Variants in PCF11 observed in about 807,000 individuals in gnomAD.
PCF11 encodes PCF11 cleavage and polyadenylation factor subunit.
A neutral mutation model predicts 166.1 loss-of-function variants in PCF11; 19 were observed. That is an observed-to-expected ratio of 0.11 (90% CI 0.08 to 0.17). The LOEUF is 0.17. PCF11 is among the 10% of genes least tolerant of loss of function. The pLI is 1.00. For missense variants in PCF11, 1,565 were observed against 1,855.5 expected (o/e 0.84, Z 2.88); for synonymous variants, 663 against 644.1 (o/e 1.03, Z -0.44).
rs185338286 is a variant in PCF11 at position 83,173,456 on chromosome 11, A to G, written c.3757+1542A>G. On this transcript the variant is annotated intron_variant, in intron 9 of 15. Coordinates refer to ENST00000298281, the Ensembl canonical transcript of PCF11. ...GTGACAGAGTGAGACTCCGTCTCAGAAAAAAAACCAAAAACCAAAAAAAAA... is the reference window on the plus strand; with the variant it reads ...GTGACAGAGTGAGACTCCGTCTCAGGAAAAAAACCAAAAACCAAAAAAAAA... 5.0e-3 allele frequency among the ~76,000 whole-genome samples: 763 copies of G among 151,552 alleles called. 3 individuals are homozygous for G. The highest frequency in any genetic ancestry group is 7.8e-3 in the Non-Finnish European group (532 of 67,872).
In PCF11 at chr11:83,167,910, T is replaced by TA; in HGVS notation, c.2092+408dup. On this transcript the variant is annotated intron_variant, in intron 7 of 15. Coordinates refer to ENST00000298281, the Ensembl canonical transcript of PCF11. This position sits in a 1 kb window ranked among gnomAD's most constrained non-coding sequence, Gnocchi z 4.2. ...AGTCTCTGCTAAAGGTAGAAAAAGT[T>TA]AAATCAGATTATGCCTATTGAATCA... The TA allele has an allele frequency of 7.7e-7, 1 of 1,291,636 alleles. No homozygotes were observed. The allele number at this position is 1,291,636 out of a possible 1,614,324, so 80.0% of individuals were successfully genotyped here.
intron 10 of PCF11, among the ~76,000 whole-genome samples, 185 bp downstream of exon 10, chr11:83,177,389 T>C (rs1182655579): frequency 1.3e-5 from 2 of 152,210 alleles, no homozygotes. Flanking sequence ...TGAACTACCT[T>C]ATAGTGGACA....
At chr11:83,165,089 C>T (rs960400993) in intron 4 of PCF11, among the ~76,000 whole-genome samples, 3 of 152,082 alleles carry the variant, frequency 2.0e-5, no homozygotes, top group African/African-American at 4.8e-5. Context: ...TTAAGGAGGC[C>T]AGGAAGATTA....
chr11:83,157,707 C>T, intron 1 of PCF11, 76 bp downstream of exon 1: 1 of 1,335,644 alleles, frequency 7.5e-7, no homozygotes, highest in African/African-American at 1.4e-5. Context: ...CCAGGTCTCG[C>T]TTCCATCCCA....
Position 83,181,518 on chromosome 11 carries a change from A to AT in PCF11, c.4168-323dup, listed in dbSNP as rs57414935. 8.3e-3 allele frequency among the ~76,000 whole-genome samples: 1,193 copies of AT among 143,822 alleles called. 12 individuals carry two copies. The highest frequency in any genetic ancestry group is 0.023 in the African/African-American group (890 of 39,530). The allele number at this position is 143,822 out of a possible 152,430, so 94.4% of individuals were successfully genotyped here. The stretch of plus-strand genomic sequence containing the variant: ...TTTTAAAAAATGAATTTTGAAGGGA[A>AT]TTTTTTTTTTTTTAATTAAGATTAG... On this transcript the variant is annotated intron_variant, in intron 12 of 15. Transcript: ENST00000298281.
chr11:83,182,157 C>A (rs867390721), intron 13 of PCF11, 148 bp downstream of exon 13: 5 of 751,990 alleles, frequency 6.6e-6, no homozygotes, highest in Middle Eastern at 3.8e-4. Flanking sequence ...TTTACTCTTA[C>A]AATCTAGCTT....
At chr11:83,169,272 C>T (rs1279318818) in exon 8 of PCF11, 1 of 1,611,456 alleles carries the variant, frequency 6.2e-7, no homozygotes, top group South Asian at 1.1e-5. Flanking sequence ...TTGGTGGGAA[C>T]CTTAGGTTTG....
intron 8 of PCF11, chr11:83,171,399 T>C: frequency 2.5e-6 from 1 of 405,970 alleles, no homozygotes; most frequent in Non-Finnish European, 4.8e-6. Flanking sequence ...GCCCTTGTGA[T>C]TGTGTATAGA....
chr11:83,166,053 A>C, exon 5 of PCF11: 1 of 1,602,274 alleles, frequency 6.2e-7, no homozygotes, highest in East Asian at 2.2e-5. Flanking sequence ...AGACTTGAAA[A>C]ATCAAGAATC....
In PCF11 at chr11:83,177,847, A is replaced by G. The variant is rs1195818780; in HGVS notation, c.3983+28A>G. 5.3e-6 allele frequency: 6 copies of G among 1,130,058 alleles called. No individual in the cohort carries two copies. The Admixed American group carries it at 1.0e-4, about 20-fold the overall frequency. 70.0% of individuals were successfully genotyped at this position (1,130,058 alleles called of 1,614,324 possible). On this transcript the variant is annotated intron_variant, in intron 11 of 15. Coordinates refer to ENST00000298281, the Ensembl canonical transcript of PCF11. ...ATGTAATCTAATTTTCTTTAAGATA[A>G]AGAGGCAGTGACTTTAATAACACTG...
chr11:83,157,434 G>A (rs1482040938), exon 1 of PCF11: 2 of 1,606,042 alleles, frequency 1.2e-6, no homozygotes, highest in African/African-American at 1.3e-5. Context: ...GGGGGGCCGC[G>A]GCGCAATGTC....
intron 13 of PCF11, 124 bp downstream of exon 13, chr11:83,182,133 C>A: frequency 1.2e-6 from 1 of 837,294 alleles, no homozygotes; most frequent in Non-Finnish European, 1.8e-6. Flanking sequence ...TTCTTGAAAG[C>A]TCTACTCTTC....
chr11:83,164,575 A>T (rs1860379518), intron 4 of PCF11, among the ~76,000 whole-genome samples, 174 bp downstream of exon 4: 2 of 152,070 alleles, frequency 1.3e-5, no homozygotes, highest in Non-Finnish European at 2.9e-5. Context: ...CTTTATTGTA[A>T]AATTCACTTG....
chr11:83,165,795 A>C (rs769913695), exon 5 of PCF11: 1 of 1,612,450 alleles, frequency 6.2e-7, no homozygotes. Context: ...TCCTCGTCTG[A>C]ACAGGATAAG....
exon 16 of PCF11, chr11:83,184,849 A>G (rs1392466520): frequency 6.3e-7 from 1 of 1,578,000 alleles, no homozygotes; most frequent in Non-Finnish European, 8.6e-7. Flanking sequence ...GCATAGCAAC[A>G]CCCTCTGAAA....
chr11:83,162,747 G>A, intron 2 of PCF11, among the ~76,000 whole-genome samples: 1 of 152,088 alleles, frequency 6.6e-6, no homozygotes. Context: ...CCAAGTCCTA[G>A]GTTTCTTGAT....
Position 83,169,932 on chromosome 11 carries a change from A to G in PCF11, c.3597A>G (p.Gln1199=), listed in dbSNP as rs574095656. The G allele has an allele frequency of 4.4e-5, 71 of 1,608,910 alleles. No individual in the cohort carries two copies. The East Asian group carries it at 1.2e-3, about 28-fold the overall frequency. ...ATGAAAAAAATCTTCAGAGTTCTCAATTTGGAAACTTTGGCAATATACCTG... is the reference window on the plus strand; with the variant it reads ...ATGAAAAAAATCTTCAGAGTTCTCAGTTTGGAAACTTTGGCAATATACCTG... Residue 1199 remains glutamine, a synonymous_variant, in exon 8 of 16, where the codon CAA becomes CAG. Coordinates refer to ENST00000298281, the Ensembl canonical transcript of PCF11.
chr11:83,176,696 G>T (rs1401590866), intron 9 of PCF11, among the ~76,000 whole-genome samples: 1 of 151,816 alleles, frequency 6.6e-6, no homozygotes, highest in Non-Finnish European at 1.5e-5. Flanking sequence ...GGGGGTGGGG[G>T]GTCTGGGGGA....
intron 2 of PCF11, 27 bp downstream of exon 2, chr11:83,161,479 G>GT (rs759260353): frequency 8.0e-4 from 1,174 of 1,469,620 alleles, no homozygotes; most frequent in Admixed American, 1.3e-3. Context: ...AAACATTTGC[G>GT]TTTTTTTTTA....
Sources: gnomAD v4.1 joint callset for allele counts (sites outside exome capture counted in the v4.1 genomes callset) on GRCh38, gnomAD v4.1.1 for gene constraint, Gnocchi (gnomAD v3.1) non-coding constraint, MANE v1.5 for transcripts, NCBI Gene and HGNC (gene_info 2026-07-23, HGNC 2026-07-21) for gene names.